The following CNTN4 variants were observed in gnomAD, a reference collection of about 807,000 sequenced individuals.
CNTN4 encodes contactin-4.
CNTN4 carries 77 observed loss-of-function variants against 122.5 expected under a neutral mutation model. The ratio of observed to expected loss-of-function variants is 0.63; its 90% CI spans 0.52 to 0.76. The LOEUF (loss-of-function observed/expected upper bound fraction) is 0.76. CNTN4 is among the 30% of genes least tolerant of loss of function. The pLI is 0.00. For synonymous variants in CNTN4, 512 were observed against 447.0 expected (o/e 1.15, Z -1.83); for missense variants, 1,256 against 1,259.1 (o/e 1.00, Z 0.04).
chr3:2,209,998 C>G (rs1012288686), intron 2 of CNTN4, among the ~76,000 whole-genome samples: 7 of 152,046 alleles, frequency 4.6e-5, no homozygotes, highest in Non-Finnish European at 1.0e-4. Flanking sequence ...AAAGCATAGC[C>G]TAGCCTTTCC....
intron 14 of CNTN4, among the ~76,000 whole-genome samples, chr3:3,010,964 T>C (rs942599925): frequency 6.6e-6 from 1 of 152,164 alleles, no homozygotes; most frequent in Non-Finnish European, 1.5e-5. Flanking sequence ...AAAGAATTGC[T>C]CCTCTGAAGT....
chr3:2,810,980 C>T (rs1157647570), intron 6 of CNTN4, among the ~76,000 whole-genome samples: 2 of 147,806 alleles, frequency 1.4e-5, no homozygotes, highest in African/African-American at 5.0e-5. Flanking sequence ...TAAGGATTTC[C>T]ATAGTGATGT....
At chr3:3,052,073 G>A (rs1252609551) in intron 23 of CNTN4, among the ~76,000 whole-genome samples, 1 of 152,158 alleles carries the variant, frequency 6.6e-6, no homozygotes, top group Non-Finnish European at 1.5e-5. Flanking sequence ...TTCTGTTCAC[G>A]CTTGAATTTG....
At chr3:2,966,381 T>G (rs1411943070) in intron 13 of CNTN4, among the ~76,000 whole-genome samples, 1 of 152,104 alleles carries the variant, frequency 6.6e-6, no homozygotes, top group Non-Finnish European at 1.5e-5. Flanking sequence ...ATTCAGGCAC[T>G]GAAAGACAAA....
intron 2 of CNTN4, among the ~76,000 whole-genome samples, chr3:2,328,548 C>T (rs2043573369): frequency 6.6e-6 from 1 of 152,128 alleles, no homozygotes; most frequent in Non-Finnish European, 1.5e-5. Context: ...GGGGCTTTAG[C>T]CATGAACATT....
intron 2 of CNTN4, among the ~76,000 whole-genome samples, chr3:2,201,173 C>T (rs890928525): frequency 7.9e-5 from 12 of 152,048 alleles, no homozygotes; most frequent in African/African-American, 2.9e-4. Flanking sequence ...TAGTAACCTC[C>T]CACAGGACAG....
intron 13 of CNTN4, chr3:2,927,196 A>G (rs2151386222): frequency 2.7e-6 from 1 of 367,732 alleles, no homozygotes; most frequent in East Asian, 7.5e-5. Context: ...AAGTTATAAT[A>G]ACACTGTAGG....
At chr3:2,754,656 G>T (rs551434789) in intron 6 of CNTN4, among the ~76,000 whole-genome samples, 1 of 151,102 alleles carries the variant, frequency 6.6e-6, no homozygotes, top group East Asian at 2.0e-4. Flanking sequence ...GAGTGCTTAC[G>T]TACAAAAGCC....
intron 10 of CNTN4, among the ~76,000 whole-genome samples, chr3:2,895,841 T>C (rs887041325): frequency 2.6e-5 from 4 of 152,154 alleles, no homozygotes; most frequent in East Asian, 1.9e-4. Context: ...GAGACCATCC[T>C]GGCTAACAGG....
chr3:2,771,801 G>T (rs571928285), intron 6 of CNTN4, among the ~76,000 whole-genome samples: 60 of 152,296 alleles, frequency 3.9e-4, no homozygotes, highest in Non-Finnish European at 7.1e-4. Context: ...AGTGTGCACA[G>T]TATGTAATGA....
intron 3 of CNTN4, among the ~76,000 whole-genome samples, chr3:2,387,211 A>G (rs770715094): frequency 6.4e-4 from 97 of 152,328 alleles, no homozygotes; most frequent in Middle Eastern, 3.4e-3. Context: ...CTTAGATGTG[A>G]CACAGTCTAT....
At chr3:2,700,653 C>CAAA (rs5846211) in intron 4 of CNTN4, among the ~76,000 whole-genome samples, 5 of 148,280 alleles carry the variant, frequency 3.4e-5, no homozygotes, top group South Asian at 4.2e-4. Flanking sequence ...ATTCCCCTGG[C>CAAA]AAAAAAAAAA....
chr3:2,692,929 A>AT (rs140145434), intron 4 of CNTN4, among the ~76,000 whole-genome samples: 9 of 150,168 alleles, frequency 6.0e-5, no homozygotes, highest in African/African-American at 2.2e-4. Context: ...TTTTTATCAA[A>AT]TTTTTTTCTA....
chr3:2,441,145 T>C lies in CNTN4; in HGVS notation c.-89+101912T>C, dbSNP rs78233716. Among the ~76,000 whole-genome samples the C allele has an allele frequency of 3.9e-3, 587 of 152,170 alleles. 4 individuals are homozygous for C. The highest frequency in any genetic ancestry group is 0.014 in the African/African-American group (574 of 41,562). On this transcript the variant is annotated intron_variant, in intron 3 of 24. Coordinates refer to ENST00000418658, the MANE Select transcript of CNTN4 (RefSeq NM_175607.3). ...TCACTTATATGGTCATCAGTTCATT[T>C]ATAAAGTGTCACTAAAGACAAAATG...
intron 4 of CNTN4, among the ~76,000 whole-genome samples, chr3:2,614,246 C>G (rs1247570670): frequency 6.6e-6 from 1 of 151,966 alleles, no homozygotes; most frequent in Non-Finnish European, 1.5e-5. Context: ...GTGCAAAGAC[C>G]CTCAGGTGGG....
At chr3:2,417,991 A>G (rs1360744921) in intron 3 of CNTN4, among the ~76,000 whole-genome samples, 5 of 152,178 alleles carry the variant, frequency 3.3e-5, no homozygotes. Context: ...GGGGTGATGG[A>G]GAGATTAATA....
intron 4 of CNTN4, among the ~76,000 whole-genome samples, chr3:2,723,036 C>T (rs1222961079): frequency 6.6e-6 from 1 of 152,138 alleles, no homozygotes; most frequent in Admixed American, 6.5e-5. Context: ...AGTTTCAAGA[C>T]ATAAATATTG....
At chr3:2,344,618 T>G (rs1295060765) in intron 3 of CNTN4, among the ~76,000 whole-genome samples, 1 of 152,080 alleles carries the variant, frequency 6.6e-6, no homozygotes, top group African/African-American at 2.4e-5. Context: ...GGTTTCATAC[T>G]GAGATTCTGA....
At chr3:2,682,310 C>A (rs1187752030) in intron 4 of CNTN4, among the ~76,000 whole-genome samples, 2 of 152,184 alleles carry the variant, frequency 1.3e-5, no homozygotes, top group African/African-American at 4.8e-5. Context: ...CTGAAGAGAT[C>A]AAGGACCTCT....
Sources: gnomAD v4.1 joint callset for allele counts (sites outside exome capture counted in the v4.1 genomes callset) on GRCh38, gnomAD v4.1.1 for gene constraint, MANE v1.5 for transcripts, NCBI Gene and HGNC (gene_info 2026-07-23, HGNC 2026-07-21) for gene names.